The following CMTM4 variants were observed in gnomAD, a reference collection of about 807,000 sequenced individuals.
CMTM4 encodes CKLF like MARVEL transmembrane domain containing 4, also known as CKLF-like MARVEL transmembrane domain-containing protein 4.
In CMTM4, 8 loss-of-function variants were observed where a neutral mutation model predicts 19.0. That is an observed-to-expected ratio of 0.42 (90% CI 0.25 to 0.76). The LOEUF is 0.76. CMTM4 is among the 30% of genes least tolerant of loss of function. CMTM4 has a pLI of 0.27. For synonymous variants in CMTM4, 106 were observed against 121.1 expected (o/e 0.88, Z 0.82); for missense variants, 228 against 290.2 (o/e 0.79, Z 1.56).
At chr16:66,664,170 T>A (rs1596944881) in intron 1 of CMTM4, among the ~76,000 whole-genome samples, 1 of 151,538 alleles carries the variant, frequency 6.6e-6, no homozygotes, top group Non-Finnish European at 1.5e-5. Context: ...GAGGCAGAGG[T>A]TGCAGTGAGC....
intron 1 of CMTM4, among the ~76,000 whole-genome samples, chr16:66,682,010 A>C (rs1298892505): frequency 2.0e-5 from 3 of 152,162 alleles, no homozygotes; most frequent in Non-Finnish European, 2.9e-5. Context: ...CACTATCGCC[A>C]GGCCTCTATC....
At chr16:66,625,806 C>T (rs2015726954) in intron 2 of CMTM4, among the ~76,000 whole-genome samples, 1 of 152,122 alleles carries the variant, frequency 6.6e-6, no homozygotes, top group Non-Finnish European at 1.5e-5. Context: ...CTGTGCTGTC[C>T]AATAGGGCAA....
At chr16:66,613,305 AAAG>A (rs2015454590), downstream of CMTM4, 3 of 600,670 alleles carry the variant, frequency 5.0e-6, no homozygotes, top group Admixed American at 5.7e-5. Flanking sequence ...AGACTGTTTC[AAAG>A]AAGAGCTCAT....
At chr16:66,633,100 TAA>T (rs1033584438) in intron 2 of CMTM4, among the ~76,000 whole-genome samples, 27 of 16,694 alleles carry the variant, frequency 1.6e-3, no homozygotes, top group Middle Eastern at 0.028. Flanking sequence ...TATATATATA[TAA>T]ATATATATAT....
chr16:66,612,735 G>A, downstream of CMTM4: 1 of 1,218,318 alleles, frequency 8.2e-7, no homozygotes, highest in Non-Finnish European at 1.2e-6. This position sits in a 1 kb window ranked among gnomAD's most constrained non-coding sequence, Gnocchi z 6.0. Context: ...GGACTTCTGA[G>A]TTGCAGAGGG....
intron 2 of CMTM4, among the ~76,000 whole-genome samples, chr16:66,625,915 A>G (rs165207): frequency 0.095 from 14,404 of 152,166 alleles, 947 homozygotes; most frequent in East Asian, 0.27. Flanking sequence ...CAGTGGCCAC[A>G]TGTGACAAGT....
chr16:66,604,981 C>G, the CMTM4 span: 3 of 1,453,750 alleles, frequency 2.1e-6, no homozygotes, highest in South Asian at 1.4e-5. Flanking sequence ...TCGGCCGCCC[C>G]GCTAGGACTG....
In CMTM4 at chr16:66,636,586, G is replaced by A; in HGVS notation, c.187-5C>T. On this transcript the variant is annotated splice_polypyrimidine_tract_variant and splice_region_variant and intron_variant, in intron 1 of 3. Coordinates refer to ENST00000394106, the MANE Select transcript of CMTM4 (RefSeq NM_181521.3). Reference sequence around the variant, plus strand: ...GAATGCAATCAGGGCCAAGATCTAGGAAGAAAATTGGAAACATATATGTAC... The same window carrying A: ...GAATGCAATCAGGGCCAAGATCTAGAAAGAAAATTGGAAACATATATGTAC... 2 of 1,612,924 alleles carry A rather than the reference G, an allele frequency of 1.2e-6. No homozygotes were observed. Among genetic ancestry groups the A allele is most frequent in the Non-Finnish European group, 1.7e-6 (2 of 1,179,032 alleles).
chr16:66,677,941 GC>G lies in CMTM4; in HGVS notation c.186+18398del, dbSNP rs2016837095. 2.6e-5 allele frequency among the ~76,000 whole-genome samples: 4 copies of G among 152,268 alleles called. No homozygotes were observed. The South Asian group carries it at 8.3e-4, about 32-fold the overall frequency. Reference sequence around the variant, plus strand: ...TCAAACTTCTGACCTCAGGTCATTTGCCCGCCTCAGCCTCCCAAAGTGCTGG... The same window carrying G: ...TCAAACTTCTGACCTCAGGTCATTTGCCGCCTCAGCCTCCCAAAGTGCTGG... On this transcript the variant is annotated intron_variant, in intron 1 of 3. Coordinates refer to ENST00000394106, the MANE Select transcript of CMTM4 (RefSeq NM_181521.3).
intron 1 of CMTM4, among the ~76,000 whole-genome samples, chr16:66,667,053 A>G (rs1232656135): frequency 6.6e-6 from 1 of 152,220 alleles, no homozygotes; most frequent in Non-Finnish European, 1.5e-5. Flanking sequence ...GGCCGGGCAC[A>G]GCGGCTTACG....
the CMTM4 span, chr16:66,609,487 C>G: frequency 2.9e-5 from 46 of 1,611,360 alleles, no homozygotes; most frequent in Admixed American, 1.0e-4. This position sits in a 1 kb window ranked among gnomAD's most constrained non-coding sequence, Gnocchi z 4.4. Flanking sequence ...ATCTCCATCA[C>G]GGCCATCGCC....
chr16:66,603,920 G>C, the CMTM4 span: 1 of 152,476 alleles, frequency 6.6e-6, no homozygotes, highest in Non-Finnish European at 1.5e-5. Context: ...GTCTCCGCTA[G>C]TCAGGTGGAA....
chr16:66,647,635 C>T (rs2016229760), intron 1 of CMTM4, among the ~76,000 whole-genome samples: 1 of 152,124 alleles, frequency 6.6e-6, no homozygotes, highest in Admixed American at 6.5e-5. Context: ...GAGTGCTACT[C>T]AGAGAAGTTC....
chr16:66,653,948 C>G (rs916364601), intron 1 of CMTM4, among the ~76,000 whole-genome samples: 6 of 152,020 alleles, frequency 3.9e-5, no homozygotes, highest in African/African-American at 1.5e-4. Flanking sequence ...GCTATGTTGG[C>G]CAGGCCGGTC....
At chr16:66,647,151 TAA>T (rs36018262) in intron 1 of CMTM4, among the ~76,000 whole-genome samples, 3 of 136,528 alleles carry the variant, frequency 2.2e-5, no homozygotes, top group African/African-American at 2.7e-5. Flanking sequence ...CCGCCTCTAC[TAA>T]AAAAAAAAAA....
At chr16:66,604,586 G>A in the CMTM4 span, 3 of 343,548 alleles carry the variant, frequency 8.7e-6, no homozygotes, top group African/African-American at 2.2e-5. Context: ...AGGCCGGGGA[G>A]GGGGCGGGTC....
downstream of CMTM4, chr16:66,612,835 C>A: frequency 1.6e-6 from 1 of 616,920 alleles, no homozygotes. This position sits in a 1 kb window ranked among gnomAD's most constrained non-coding sequence, Gnocchi z 6.0. Flanking sequence ...CTGTTGACCA[C>A]GCTGCGTATG....
intron 1 of CMTM4, among the ~76,000 whole-genome samples, chr16:66,688,704 G>C (rs993098658): frequency 6.6e-6 from 1 of 152,118 alleles, no homozygotes; most frequent in Non-Finnish European, 1.5e-5. Context: ...TTTTGGGATC[G>C]TATTAAACCT....
chr16:66,601,916 C>T, the CMTM4 span, among the ~76,000 whole-genome samples: 1 of 152,304 alleles, frequency 6.6e-6, no homozygotes, highest in Non-Finnish European at 1.5e-5. Flanking sequence ...CATTCTGCAG[C>T]TGCAGTTTGG....
Sources: allele counts gnomAD v4.1 joint callset (sites outside exome capture counted in the v4.1 genomes callset), GRCh38; gene constraint gnomAD v4.1.1; non-coding constraint Gnocchi (gnomAD v3.1); transcripts MANE v1.5; gene names NCBI Gene and HGNC (gene_info 2026-07-23, HGNC 2026-07-21).